The following SLC41A2 variants were observed in gnomAD, a reference collection of about 807,000 sequenced individuals.
SLC41A2 encodes the protein SLC41A1-like 1.
In SLC41A2, 32 loss-of-function variants were observed where a neutral mutation model predicts 58.3. The observed-to-expected ratio is 0.55, with a 90% CI of 0.41 to 0.74. The LOEUF (loss-of-function observed/expected upper bound fraction) is 0.74. SLC41A2 is among the 30% of genes least tolerant of loss of function. The pLI, the probability that SLC41A2 is intolerant of heterozygous loss-of-function variation, is 0.00. For synonymous variants in SLC41A2, 190 were observed against 235.0 expected (o/e 0.81, Z 1.75); for missense variants, 514 against 680.6 (o/e 0.76, Z 2.72).
intron 2 of SLC41A2, among the ~76,000 whole-genome samples, chr12:104,926,553 A>C (rs1214040520): frequency 1.3e-5 from 2 of 151,922 alleles, no homozygotes; most frequent in Non-Finnish European, 2.9e-5. Flanking sequence ...ACGCCACTGC[A>C]CTCCAGCCTG....
At chr12:104,854,523 A>G (rs1445630539) in intron 8 of SLC41A2, among the ~76,000 whole-genome samples, 1 of 151,478 alleles carries the variant, frequency 6.6e-6, no homozygotes, top group Non-Finnish European at 1.5e-5. Flanking sequence ...AGATCGCGCC[A>G]CTGCAGTCCA....
chr12:104,857,524 A>C (rs1253806861), intron 8 of SLC41A2, among the ~76,000 whole-genome samples: 1 of 152,182 alleles, frequency 6.6e-6, no homozygotes, highest in Non-Finnish European at 1.5e-5. Flanking sequence ...AAGGATTATA[A>C]ATCATGCTGC....
At chr12:104,874,715 C>T (rs1007401433) in intron 6 of SLC41A2, among the ~76,000 whole-genome samples, 1 of 152,110 alleles carries the variant, frequency 6.6e-6, no homozygotes, top group African/African-American at 2.4e-5. Context: ...CTGTCTGTTC[C>T]CATGCCAGTA....
intron 3 of SLC41A2, among the ~76,000 whole-genome samples, chr12:104,898,557 A>T (rs1454377176): frequency 6.6e-6 from 1 of 151,888 alleles, no homozygotes; most frequent in Non-Finnish European, 1.5e-5. Context: ...AAAAAAAAAA[A>T]ACTATATGTA....
At chr12:104,952,111 C>A (rs1295828577) in intron 1 of SLC41A2, among the ~76,000 whole-genome samples, 1 of 152,012 alleles carries the variant, frequency 6.6e-6, no homozygotes, top group Non-Finnish European at 1.5e-5. Context: ...ATGATTTCAA[C>A]TGAGAAAAAA....
At chr12:104,808,244 A>C (rs2041009876) in intron 10 of SLC41A2, among the ~76,000 whole-genome samples, 2 of 152,202 alleles carry the variant, frequency 1.3e-5, no homozygotes, top group African/African-American at 4.8e-5. Context: ...ATGTCCCATC[A>C]ATACCTAATT....
chr12:104,833,330 G>A (rs954185638), intron 10 of SLC41A2, among the ~76,000 whole-genome samples: 1 of 152,114 alleles, frequency 6.6e-6, no homozygotes, highest in Non-Finnish European at 1.5e-5. Context: ...ATCCCTAGGG[G>A]CCAACCAAAC....
intron 10 of SLC41A2, among the ~76,000 whole-genome samples, chr12:104,809,193 A>G (rs947229317): frequency 1.3e-5 from 2 of 152,236 alleles, no homozygotes; most frequent in African/African-American, 4.8e-5. Context: ...AATGTCTGTT[A>G]TTAGTCTATT....
At chr12:104,856,959 A>C (rs1232357523) in intron 8 of SLC41A2, among the ~76,000 whole-genome samples, 1 of 152,192 alleles carries the variant, frequency 6.6e-6, no homozygotes, top group Non-Finnish European at 1.5e-5. Context: ...TTTATATGAT[A>C]AAATCTAAAA....
chr12:104,925,163 A>G (rs764810365), intron 2 of SLC41A2, among the ~76,000 whole-genome samples: 11 of 152,240 alleles, frequency 7.2e-5, no homozygotes, highest in Non-Finnish European at 1.6e-4. Flanking sequence ...GGTTGTTTAT[A>G]TTACGAAAAT....
chr12:104,806,809 T>C (rs1048157427), intron 10 of SLC41A2, among the ~76,000 whole-genome samples: 43 of 152,080 alleles, frequency 2.8e-4, no homozygotes, highest in Non-Finnish European at 4.4e-4. Context: ...ATTTCTCTGA[T>C]GGCCAGTGAT....
chr12:104,935,938 G>A (rs2047248198), intron 1 of SLC41A2, among the ~76,000 whole-genome samples: 2 of 152,104 alleles, frequency 1.3e-5, no homozygotes, highest in South Asian at 4.1e-4. Context: ...AGCTACTCGG[G>A]AGGCTGAACC....
chr12:104,957,554 A>G (rs2048214119), intron 1 of SLC41A2, among the ~76,000 whole-genome samples: 1 of 152,248 alleles, frequency 6.6e-6, no homozygotes. Flanking sequence ...AAAAAAGATG[A>G]CATATATACG....
intron 1 of SLC41A2, among the ~76,000 whole-genome samples, chr12:104,936,770 T>C (rs916038503): frequency 6.6e-6 from 1 of 152,158 alleles, no homozygotes; most frequent in Non-Finnish European, 1.5e-5. Flanking sequence ...TATATCAGTG[T>C]GTGTCTTAGA....
At chr12:104,900,525 A>G (rs1040929269) in intron 3 of SLC41A2, among the ~76,000 whole-genome samples, 3 of 152,196 alleles carry the variant, frequency 2.0e-5, no homozygotes, top group African/African-American at 7.2e-5. Flanking sequence ...ATCGTATGTC[A>G]GTAAAGCTGC....
At chr12:104,936,111 C>A (rs938591132) in intron 1 of SLC41A2, among the ~76,000 whole-genome samples, 1 of 152,002 alleles carries the variant, frequency 6.6e-6, no homozygotes, top group Admixed American at 6.6e-5. Context: ...GAGGCATTAG[C>A]CACATGTTTG....
intron 2 of SLC41A2, among the ~76,000 whole-genome samples, chr12:104,922,440 A>C (rs1262152937): frequency 6.6e-6 from 1 of 152,182 alleles, no homozygotes; most frequent in Non-Finnish European, 1.5e-5. Context: ...CTATATAATG[A>C]TAAAGGGGTC....
chr12:104,891,488 A>G (rs1183673223), intron 4 of SLC41A2, among the ~76,000 whole-genome samples: 2 of 148,200 alleles, frequency 1.3e-5, no homozygotes, highest in African/African-American at 4.9e-5. Context: ...AATTTTATAT[A>G]TTATTTATAT....
intron 2 of SLC41A2, 103 bp from the exon 3 acceptor site, chr12:104,909,865 T>A: frequency 1.4e-6 from 1 of 724,584 alleles, no homozygotes; most frequent in Non-Finnish European, 2.2e-6. Context: ...ACTTGGCATC[T>A]ACATTTTGAA....
Sources: allele counts gnomAD v4.1 joint callset (sites outside exome capture counted in the v4.1 genomes callset), GRCh38; gene constraint gnomAD v4.1.1; transcripts MANE v1.5; gene names NCBI Gene and HGNC (gene_info 2026-07-23, HGNC 2026-07-21).